SLC22A3: variants seen among roughly 807,000 people sequenced by gnomAD.
The protein encoded by SLC22A3 is solute carrier family 22 member 3.
A neutral mutation model predicts 59.1 loss-of-function variants in SLC22A3; 51 were observed. The ratio of observed to expected loss-of-function variants is 0.86; its 90% CI spans 0.69 to 1.09. The LOEUF is 1.09. Among genes scored for constraint, SLC22A3 ranks in the 50% least tolerant of loss-of-function variants. The pLI, the probability that SLC22A3 is intolerant of heterozygous loss-of-function variation, is 0.00. For missense variants in SLC22A3, 711 were observed against 726.3 expected (o/e 0.98, Z 0.24); for synonymous variants, 325 against 292.0 (o/e 1.11, Z -1.15).
intron 2 of SLC22A3, among the ~76,000 whole-genome samples, chr6:160,404,238 T>C (rs553536954): frequency 3.0e-4 from 46 of 150,938 alleles, no homozygotes; most frequent in Non-Finnish European, 6.2e-4. Flanking sequence ...GTGAGTATAG[T>C]GAAGTTGCAG....
intron 1 of SLC22A3, among the ~76,000 whole-genome samples, chr6:160,376,363 T>C (rs1785592860): frequency 7.0e-6 from 1 of 142,406 alleles, no homozygotes; most frequent in Non-Finnish European, 1.5e-5. Context: ...AGGGGGGTGG[T>C]GCGGAGAGGG....
At chr6:160,405,983 G>C (rs1395187009) in intron 2 of SLC22A3, among the ~76,000 whole-genome samples, 2 of 152,112 alleles carry the variant, frequency 1.3e-5, no homozygotes, top group African/African-American at 4.8e-5. Flanking sequence ...TATTCTGTTA[G>C]ATACTTTAAT....
chr6:160,427,144 A>C (rs987801030), intron 5 of SLC22A3, among the ~76,000 whole-genome samples: 7 of 152,106 alleles, frequency 4.6e-5, no homozygotes, highest in African/African-American at 1.4e-4. Context: ...GAAGCAATGG[A>C]AGAGATGCTT....
intron 5 of SLC22A3, chr6:160,426,393 C>G: frequency 2.1e-6 from 2 of 968,580 alleles, no homozygotes; most frequent in Non-Finnish European, 2.5e-6. Flanking sequence ...ATGGCTCAGG[C>G]ATCATTGGGC....
intron 5 of SLC22A3, among the ~76,000 whole-genome samples, chr6:160,412,718 A>G (rs1787307229): frequency 6.6e-6 from 1 of 152,180 alleles, no homozygotes; most frequent in Admixed American, 6.5e-5. Context: ...TCCATTGTCT[A>G]TAGTCCTCAT....
chr6:160,379,469 A>T (rs1264217744), intron 1 of SLC22A3, among the ~76,000 whole-genome samples: 1 of 152,252 alleles, frequency 6.6e-6, no homozygotes, highest in Non-Finnish European at 1.5e-5. Flanking sequence ...GAAGTCCCAA[A>T]GTCTCTTTCT....
intron 1 of SLC22A3, among the ~76,000 whole-genome samples, chr6:160,375,011 G>A (rs1043409299): frequency 6.6e-6 from 1 of 152,120 alleles, no homozygotes; most frequent in Admixed American, 6.5e-5. Context: ...CGCATAGAAG[G>A]CTGACAACCA....
At chr6:160,388,426 C>T (rs1191853198) in intron 1 of SLC22A3, among the ~76,000 whole-genome samples, 3 of 152,112 alleles carry the variant, frequency 2.0e-5, no homozygotes, top group African/African-American at 7.2e-5. Flanking sequence ...ACTCAGTGTG[C>T]CCGAGGTGGA....
At chr6:160,362,512 C>G (rs963676777) in intron 1 of SLC22A3, among the ~76,000 whole-genome samples, 2 of 152,164 alleles carry the variant, frequency 1.3e-5, no homozygotes, top group African/African-American at 2.4e-5. Flanking sequence ...TTTTTGGTTC[C>G]TTTGGTATGG....
chr6:160,376,985 G>A (rs759945600), intron 1 of SLC22A3, among the ~76,000 whole-genome samples: 1 of 152,202 alleles, frequency 6.6e-6, no homozygotes, highest in Non-Finnish European at 1.5e-5. Flanking sequence ...CACCCCAGTT[G>A]TGGGATAGGC....
chr6:160,367,720 G>A (rs1785254689), intron 1 of SLC22A3, among the ~76,000 whole-genome samples: 1 of 152,190 alleles, frequency 6.6e-6, no homozygotes, highest in Non-Finnish European at 1.5e-5. Flanking sequence ...AGTACAGAGT[G>A]GTCAGGGCAT....
chr6:160,440,199 T>C (rs1788494789), intron 7 of SLC22A3, among the ~76,000 whole-genome samples: 1 of 152,232 alleles, frequency 6.6e-6, no homozygotes, highest in East Asian at 1.9e-4. Flanking sequence ...TCTTTATCCA[T>C]ACCTGTCTGC....
chr6:160,437,258 C>T (rs779737782), intron 7 of SLC22A3, 47 bp downstream of exon 7: 5 of 1,575,084 alleles, frequency 3.2e-6, no homozygotes, highest in Middle Eastern at 1.7e-4. Context: ...CTTGAAAACA[C>T]CTAAATCCAC....
chr6:160,443,588 T>C, intron 8 of SLC22A3, 42 bp from the exon 9 acceptor site: 1 of 1,293,530 alleles, frequency 7.7e-7, no homozygotes. Context: ...TGAAGTCACT[T>C]GTTGAAATAG....
intron 1 of SLC22A3, among the ~76,000 whole-genome samples, chr6:160,352,680 T>C (rs1439015593): frequency 6.6e-6 from 1 of 152,234 alleles, no homozygotes; most frequent in Non-Finnish European, 1.5e-5. Flanking sequence ...GAATCCATTG[T>C]TTGTTTTTAT....
At chr6:160,417,225 G>T (rs2114874162) in intron 5 of SLC22A3, among the ~76,000 whole-genome samples, 1 of 152,266 alleles carries the variant, frequency 6.6e-6, no homozygotes, top group Non-Finnish European at 1.5e-5. Context: ...GCTTTGAGAG[G>T]CATCATGAAT....
chr6:160,394,487 C>T (rs189567285), intron 1 of SLC22A3, among the ~76,000 whole-genome samples: 1 of 152,344 alleles, frequency 6.6e-6, no homozygotes, highest in East Asian at 1.9e-4. Flanking sequence ...TGCCCCCTGA[C>T]TCTATGAGCA....
At position 160,437,020 on chromosome 6, in the gene SLC22A3, A is replaced by C. The variant is rs1562500943; in HGVS notation, c.1097A>C (p.Gln366Pro). 1.2e-6 allele frequency: 2 copies of C among 1,614,148 alleles called. No homozygotes were observed. The highest frequency in any genetic ancestry group is 8.5e-7 in the Non-Finnish European group (1 of 1,180,008). The change falls in exon 7 of 11, where the codon CAA becomes CCA. Residue 366 changes from glutamine to proline, a missense_variant. By Grantham distance (76) the Gln-to-Pro change is moderately conservative. Transcript: ENST00000275300. Reference sequence around the variant, plus strand: ...AGGTTCACAAGCGCAGTGGTGTATCAAGGACTTGTCATGCGCCTGGGAATT... The same window carrying C: ...AGGTTCACAAGCGCAGTGGTGTATCCAGGACTTGTCATGCGCCTGGGAATT... The part of the protein sequence containing the change: ...FAWFTSAVVY[Q>P]GLVMRLGIIG...
chr6:160,416,106 G>C (rs1787478363), intron 5 of SLC22A3, among the ~76,000 whole-genome samples: 1 of 152,194 alleles, frequency 6.6e-6, no homozygotes, highest in African/African-American at 2.4e-5. Flanking sequence ...CTCTGTCTCT[G>C]CCTCACTTGT....
Sources: gnomAD v4.1 joint callset for allele counts (sites outside exome capture counted in the v4.1 genomes callset) on GRCh38, gnomAD v4.1.1 for gene constraint, MANE v1.5 for transcripts, NCBI Gene and HGNC (gene_info 2026-07-23, HGNC 2026-07-21) for gene names.